CSMD1: variants seen among roughly 807,000 people sequenced by gnomAD.
CSMD1 encodes the protein CUB and Sushi multiple domains 1.
Under a neutral mutation model 417.5 loss-of-function variants are expected in CSMD1, and 213 were observed. That is an observed-to-expected ratio of 0.51 (90% CI 0.46 to 0.57). CSMD1 has a LOEUF of 0.57. CSMD1 is among the 20% of genes least tolerant of loss of function. The probability of loss-of-function intolerance (pLI) is 0.00; values close to 1 mark genes in which losing one functional copy is unlikely to be tolerated. For synonymous variants in CSMD1, 2,862 were observed against 1,736.8 expected (o/e 1.65, Z -16.11); for missense variants, 6,923 against 4,529.7 (o/e 1.53, Z -15.17).
chr8:3,954,568 C>T (rs73509621), intron 5 of CSMD1, among the ~76,000 whole-genome samples: 6,372 of 152,270 alleles, frequency 0.042, 227 homozygotes, highest in African/African-American at 0.093. Context: ...GGGGTTTCAC[C>T]GTGTTGCTCA....
chr8:3,712,571 G>C (rs546227595), intron 6 of CSMD1, among the ~76,000 whole-genome samples: 1 of 152,134 alleles, frequency 6.6e-6, no homozygotes, highest in Non-Finnish European at 1.5e-5. Context: ...ATCTTCGAAT[G>C]AATGATAAAA....
intron 12 of CSMD1, among the ~76,000 whole-genome samples, chr8:3,465,925 C>T (rs1816768838): frequency 6.6e-6 from 1 of 152,054 alleles, no homozygotes; most frequent in Admixed American, 6.6e-5. Context: ...AGAGCTGTTG[C>T]CTCAGAGGAA....
intron 4 of CSMD1, among the ~76,000 whole-genome samples, chr8:4,010,117 G>A (rs190887788): frequency 6.6e-6 from 1 of 152,058 alleles, no homozygotes; most frequent in African/African-American, 2.4e-5. Flanking sequence ...TTCTTCCTCT[G>A]ATGGAAACCT....
rs183736652 is a variant in CSMD1, at chr8:4,169,828, C to A, written c.416-137729G>T. 5.0e-4 allele frequency among the ~76,000 whole-genome samples: 76 copies of A among 152,246 alleles called. No individual in the cohort carries two copies. In the Middle Eastern group the frequency reaches 0.031, roughly 61 times the overall value. On this transcript the variant is annotated intron_variant, in intron 3 of 69. Transcript: ENST00000635120. ...CCAGCAGCACTTTCTGTCTGCCCTT[C>A]CTGAATTATTTCCATAGCATGCGTC...
At chr8:4,392,675 G>A (rs554765528) in intron 3 of CSMD1, among the ~76,000 whole-genome samples, 1 of 149,042 alleles carries the variant, frequency 6.7e-6, no homozygotes, top group African/African-American at 2.5e-5. Flanking sequence ...ATTTTTTTTT[G>A]AGATGGACTG....
chr8:3,658,248 C>T (rs1786184856), intron 7 of CSMD1, among the ~76,000 whole-genome samples: 1 of 152,006 alleles, frequency 6.6e-6, no homozygotes, highest in Non-Finnish European at 1.5e-5. Flanking sequence ...ATGGAATAGG[C>T]ATGGGAGTGA....
chr8:3,579,027 A>C (rs899007561), intron 9 of CSMD1, among the ~76,000 whole-genome samples: 1 of 152,202 alleles, frequency 6.6e-6, no homozygotes, highest in African/African-American at 2.4e-5. Context: ...TAGAGAGTAA[A>C]ATTCACCGAC....
intron 3 of CSMD1, among the ~76,000 whole-genome samples, chr8:4,138,625 G>C (rs555363378): frequency 0.058 from 4,635 of 79,372 alleles, 222 homozygotes; most frequent in African/African-American, 0.13. Context: ...ATTAAACAAA[G>C]GAAAAAACAT....
At chr8:4,629,743 T>C (rs1216507747) in intron 2 of CSMD1, among the ~76,000 whole-genome samples, 1 of 152,192 alleles carries the variant, frequency 6.6e-6, no homozygotes, top group Non-Finnish European at 1.5e-5. Context: ...CAGCAAAGAC[T>C]AGATTTACTA....
At chr8:4,148,800 G>T (rs1414140205) in intron 3 of CSMD1, among the ~76,000 whole-genome samples, 1 of 152,132 alleles carries the variant, frequency 6.6e-6, no homozygotes, top group African/African-American at 2.4e-5. Flanking sequence ...GGTGCATTGG[G>T]AAGGGATGTC....
chr8:4,064,282 C>T (rs1351549401), intron 3 of CSMD1, among the ~76,000 whole-genome samples: 2 of 152,094 alleles, frequency 1.3e-5, no homozygotes, highest in Non-Finnish European at 2.9e-5. Context: ...TTTATCGTAC[C>T]ATATTTTATA....
chr8:4,730,466 A>G (rs1445571681), intron 1 of CSMD1, among the ~76,000 whole-genome samples: 1 of 152,134 alleles, frequency 6.6e-6, no homozygotes, highest in African/African-American at 2.4e-5. Context: ...AATGGCCAGG[A>G]GCAGTGGCTC....
At chr8:4,278,131 A>T (rs1421985531) in intron 3 of CSMD1, among the ~76,000 whole-genome samples, 6 of 152,192 alleles carry the variant, frequency 3.9e-5, no homozygotes, top group African/African-American at 1.4e-4. Context: ...TGCTCATATA[A>T]CTTCCACCAA....
chr8:3,333,702 C>G (rs1438172848), intron 23 of CSMD1, among the ~76,000 whole-genome samples: 3 of 152,160 alleles, frequency 2.0e-5, no homozygotes, highest in Admixed American at 2.0e-4. Flanking sequence ...TCTATACTTT[C>G]CCCTGGTTCT....
chr8:3,310,805 C>A (rs1805278291), intron 23 of CSMD1, among the ~76,000 whole-genome samples: 1 of 82,012 alleles, frequency 1.2e-5, no homozygotes, highest in African/African-American at 3.1e-5. Context: ...ACACAGCACC[C>A]AGGAGGTATC....
intron 26 of CSMD1, among the ~76,000 whole-genome samples, chr8:3,262,519 G>A (rs992456111): frequency 2.0e-5 from 3 of 150,828 alleles, no homozygotes; most frequent in Non-Finnish European, 2.9e-5. Flanking sequence ...CGCTATAAAT[G>A]CTATTACTTC....
chr8:4,575,364 G>A lies in CSMD1; in HGVS notation c.302+61978C>T, dbSNP rs370728128. Among the ~76,000 whole-genome samples the A allele has an allele frequency of 3.9e-4, 59 of 152,242 alleles. 3 individuals are homozygous for A. In the South Asian group the frequency reaches 7.9e-3, roughly 20 times the overall value. ...CAGGTCACATTTTTATTAAAGTTGC[G>A]GGATGAAAAGGAAGCTGGATTTTAG... is the stretch of plus-strand genomic sequence containing the variant. On this transcript the variant is annotated intron_variant, in intron 2 of 69. Transcript: ENST00000635120.
intron 3 of CSMD1, among the ~76,000 whole-genome samples, chr8:4,146,144 G>A (rs1804105335): frequency 1.3e-5 from 2 of 150,844 alleles, no homozygotes. Context: ...TACATATGAT[G>A]GGTGACATAT....
intron 2 of CSMD1, among the ~76,000 whole-genome samples, chr8:4,626,402 G>T (rs773764409): frequency 4.6e-5 from 7 of 152,084 alleles, no homozygotes; most frequent in Non-Finnish European, 1.0e-4. Flanking sequence ...AAAGTATGTG[G>T]AAGGAAGTAG....
Sources: allele counts gnomAD v4.1 joint callset (sites outside exome capture counted in the v4.1 genomes callset), GRCh38; gene constraint gnomAD v4.1.1; transcripts MANE v1.5; gene names NCBI Gene and HGNC (gene_info 2026-07-23, HGNC 2026-07-21).